PCSK2: variants seen among roughly 807,000 people sequenced by gnomAD.
PCSK2 encodes the protein neuroendocrine convertase 2.
In PCSK2, 14 loss-of-function variants were observed where a neutral mutation model predicts 69.7. The ratio of observed to expected loss-of-function variants is 0.20; its 90% confidence interval spans 0.13 to 0.31. The LOEUF (loss-of-function observed/expected upper bound fraction) is 0.31, where lower values mean the gene tolerates loss of function less well. PCSK2 is among the 10% of genes least tolerant of loss of function. The probability of loss-of-function intolerance (pLI) is 1.00; values close to 1 mark genes in which losing one functional copy is unlikely to be tolerated. For synonymous variants in PCSK2, 307 were observed against 320.7 expected, an observed-to-expected ratio of 0.96 and a Z score of 0.46; for missense variants, 544 against 842.5, an observed-to-expected ratio of 0.65 and a Z score of 4.39.
At chr20:17,471,927 G>T (rs2033209093) in intron 11 of PCSK2, among the ~76,000 whole-genome samples, 1 of 152,232 alleles carries the variant, frequency 6.6e-6, no homozygotes, top group African/African-American at 2.4e-5. Flanking sequence ...TTCCAAGGTG[G>T]AGTGAGTGGT....
rs78430427 is a variant in PCSK2 at position 17,324,655 on chromosome 20, G to A, written c.283-33672G>A. Among the ~76,000 whole-genome samples, 10 of 152,186 alleles carry A rather than the reference G, an allele frequency of 6.6e-5. No individual in the cohort carries two copies. In the East Asian group the frequency reaches 1.7e-3, roughly 27 times the overall value. Reference sequence around the variant, plus strand: ...CCAGATACTCCCCCTACTGCTGAATGTTCAGCTATCAGTAGCCCCCATGGA... The same window carrying A: ...CCAGATACTCCCCCTACTGCTGAATATTCAGCTATCAGTAGCCCCCATGGA... On this transcript the variant is annotated intron_variant, in intron 2 of 11. Coordinates refer to ENST00000262545, the MANE Select transcript of PCSK2 (RefSeq NM_002594.5).
At chr20:17,254,876 A>T (rs1239872054) in intron 1 of PCSK2, among the ~76,000 whole-genome samples, 1 of 152,198 alleles carries the variant, frequency 6.6e-6, no homozygotes. Flanking sequence ...CAGTGTATAC[A>T]TCTTGCACTT....
chr20:17,226,313 G>T (rs1411469145), upstream of PCSK2: 1 of 152,218 alleles, frequency 6.6e-6, no homozygotes, highest in Non-Finnish European at 1.5e-5. Flanking sequence ...CTCCGGACCT[G>T]CCTGGAGCCT....
intron 11 of PCSK2, among the ~76,000 whole-genome samples, chr20:17,471,670 C>A (rs1454383294): frequency 2.0e-5 from 3 of 152,220 alleles, no homozygotes; most frequent in African/African-American, 7.2e-5. Context: ...GCCCTCCGGT[C>A]CCTCGTCCAC....
intron 5 of PCSK2, among the ~76,000 whole-genome samples, chr20:17,387,592 A>G (rs563163433): frequency 1.3e-4 from 20 of 152,322 alleles, no homozygotes; most frequent in Middle Eastern, 3.4e-3. Flanking sequence ...AGAGCAAGCA[A>G]TCTCAGAGAG....
chr20:17,255,137 A>C (rs1233171141), intron 1 of PCSK2, among the ~76,000 whole-genome samples: 1 of 152,162 alleles, frequency 6.6e-6, no homozygotes, highest in Non-Finnish European at 1.5e-5. Context: ...CTTTCTTTCC[A>C]ATCTTGATGC....
At chr20:17,372,072 C>G (rs922600547) in intron 5 of PCSK2, among the ~76,000 whole-genome samples, 1 of 152,132 alleles carries the variant, frequency 6.6e-6, no homozygotes, top group Non-Finnish European at 1.5e-5. Flanking sequence ...TGGGTGGTAA[C>G]CACAGAAGCA....
intron 1 of PCSK2, among the ~76,000 whole-genome samples, chr20:17,252,200 T>C (rs1358849087): frequency 1.3e-5 from 2 of 152,258 alleles, no homozygotes; most frequent in South Asian, 2.1e-4. Flanking sequence ...CCTCATTTCT[T>C]GATATGGGGA....
intron 1 of PCSK2, among the ~76,000 whole-genome samples, chr20:17,253,805 T>C (rs1296943814): frequency 6.6e-6 from 1 of 152,226 alleles, no homozygotes; most frequent in Non-Finnish European, 1.5e-5. Flanking sequence ...AAATAGGCTG[T>C]ACCATTTTAC....
chr20:17,411,561 C>T (rs2031873395), intron 6 of PCSK2, among the ~76,000 whole-genome samples: 1 of 152,250 alleles, frequency 6.6e-6, no homozygotes. Context: ...GGTCTACTGC[C>T]TCTATAGACT....
intron 5 of PCSK2, among the ~76,000 whole-genome samples, chr20:17,396,101 G>A (rs182531567): frequency 6.6e-6 from 1 of 152,234 alleles, no homozygotes. Context: ...CAAAAGAGAG[G>A]GAAACACAAA....
chr20:17,334,890 G>A (rs546450887), intron 2 of PCSK2, among the ~76,000 whole-genome samples: 3 of 152,276 alleles, frequency 2.0e-5, no homozygotes, highest in Admixed American at 6.5e-5. Flanking sequence ...CTTTACAAAC[G>A]CATTAGCATA....
At chr20:17,293,152 C>T (rs548767276) in intron 2 of PCSK2, among the ~76,000 whole-genome samples, 3 of 152,244 alleles carry the variant, frequency 2.0e-5, no homozygotes, top group South Asian at 4.2e-4. Flanking sequence ...AACTTTATTG[C>T]TAATACATAG....
intron 4 of PCSK2, among the ~76,000 whole-genome samples, chr20:17,366,248 C>T (rs926347911): frequency 2.6e-5 from 4 of 152,174 alleles, no homozygotes; most frequent in Non-Finnish European, 5.9e-5. Flanking sequence ...GGACTGTCAC[C>T]GCTTCCTGAG....
intron 5 of PCSK2, among the ~76,000 whole-genome samples, chr20:17,389,716 A>C (rs578058108): frequency 6.6e-6 from 1 of 152,278 alleles, no homozygotes; most frequent in Non-Finnish European, 1.5e-5. Flanking sequence ...CAGCTGCTGA[A>C]AGGTCCCTGT....
In PCSK2 at chr20:17,251,563, C is replaced by T. The variant is rs1986979626; in HGVS notation, c.178-8677C>T. Among the ~76,000 whole-genome samples the T allele has an allele frequency of 3.3e-5, 5 of 152,172 alleles. No individual in the cohort carries two copies. The South Asian group carries it at 1.0e-3, about 32-fold the overall frequency. ...TTGAGAGCCTTTATCTGAGCTGCTC[C>T]AAGACGGTGTCATCAGTTGACAGAC... On this transcript the variant is annotated intron_variant, in intron 1 of 11. Coordinates refer to ENST00000262545, the MANE Select transcript of PCSK2 (RefSeq NM_002594.5).
chr20:17,462,114 G>A (rs1032960973), intron 10 of PCSK2, among the ~76,000 whole-genome samples: 15 of 152,074 alleles, frequency 9.9e-5, no homozygotes, highest in African/African-American at 3.1e-4. Flanking sequence ...AGAATCCCCA[G>A]GGGAGCCCCT....
chr20:17,324,603 C>A (rs1048806636), intron 2 of PCSK2, among the ~76,000 whole-genome samples: 1 of 152,128 alleles, frequency 6.6e-6, no homozygotes, highest in Admixed American at 6.5e-5. Flanking sequence ...TCCTGATCAC[C>A]CTCTTCCTGC....
intron 8 of PCSK2, among the ~76,000 whole-genome samples, chr20:17,441,340 C>T (rs537678518): frequency 2.0e-5 from 3 of 152,290 alleles, no homozygotes; most frequent in Admixed American, 6.5e-5. Flanking sequence ...TAATAAAACC[C>T]CTTTCTTTCT....
Sources: allele counts gnomAD v4.1 joint callset (sites outside exome capture counted in the v4.1 genomes callset), GRCh38; gene constraint gnomAD v4.1.1; transcripts MANE v1.5; gene names NCBI Gene and HGNC (gene_info 2026-07-23, HGNC 2026-07-21).